The following ASTN2 variants were observed in gnomAD, a reference collection of about 807,000 sequenced individuals.
ASTN2 encodes the protein astrotactin-2.
ASTN2 carries 54 observed loss-of-function variants against 139.8 expected under a neutral mutation model. That is an observed-to-expected ratio of 0.39 (90% confidence interval 0.31 to 0.48). ASTN2 has a LOEUF of 0.48. ASTN2 is among the 20% of genes least tolerant of loss of function. The pLI, the probability that ASTN2 is intolerant of heterozygous loss-of-function variation, is 0.95. For synonymous variants in ASTN2, 756 were observed against 719.5 expected (o/e 1.05, Z -0.81); for missense variants, 1,565 against 1,725.1 (o/e 0.91, Z 1.64).
intron 1 of ASTN2, among the ~76,000 whole-genome samples, chr9:117,304,730 A>T (rs146078845): frequency 6.6e-6 from 1 of 152,274 alleles, no homozygotes; most frequent in African/African-American, 2.4e-5. Context: ...CTTATTTATG[A>T]CGTGGTGCTG....
intron 17 of ASTN2, among the ~76,000 whole-genome samples, chr9:116,621,418 C>T (rs1219122811): frequency 7.4e-6 from 1 of 134,514 alleles, no homozygotes; most frequent in Non-Finnish European, 1.6e-5. Context: ...AACACATACA[C>T]ACACACACAC....
rs1245160868 is a variant in ASTN2 at position 116,774,782 on chromosome 9, G to A, written c.2396+30850C>T. 2.6e-5 allele frequency among the ~76,000 whole-genome samples: 4 copies of A among 152,222 alleles called. No individual in the cohort carries two copies. The East Asian group carries it at 7.7e-4, about 29-fold the overall frequency. On this transcript the variant is annotated intron_variant, in intron 13 of 22. Coordinates refer to ENST00000313400, the MANE Select transcript of ASTN2 (RefSeq NM_001365068.1). ...CTGCTAATCTCCCAGCAAATGCTCTGCACCATCAGACATCTCATTTTCCTC... is the reference window on the plus strand; with the variant it reads ...CTGCTAATCTCCCAGCAAATGCTCTACACCATCAGACATCTCATTTTCCTC...
intron 1 of ASTN2, among the ~76,000 whole-genome samples, chr9:117,300,021 GA>G (rs1167626045): frequency 2.0e-5 from 3 of 152,162 alleles, no homozygotes; most frequent in Non-Finnish European, 2.9e-5. Context: ...AGAACTGAGA[GA>G]AAATAAGGCC....
chr9:117,184,088 G>A (rs1831139978), intron 3 of ASTN2, among the ~76,000 whole-genome samples: 1 of 152,200 alleles, frequency 6.6e-6, no homozygotes, highest in South Asian at 2.1e-4. Context: ...AGAAGAAGGT[G>A]TAGAGACCTC....
At chr9:116,722,339 T>G (rs1282316914) in intron 16 of ASTN2, among the ~76,000 whole-genome samples, 1 of 152,246 alleles carries the variant, frequency 6.6e-6, no homozygotes, top group East Asian at 1.9e-4. Context: ...CCACACAATG[T>G]ACCTTTAGAA....
chr9:116,908,054 T>C (rs1431541121), intron 10 of ASTN2, among the ~76,000 whole-genome samples: 1 of 152,110 alleles, frequency 6.6e-6, no homozygotes, highest in Non-Finnish European at 1.5e-5. Flanking sequence ...GGCTCTGGAA[T>C]CTCAAACCTG....
At chr9:116,583,534 A>G (rs899853577) in intron 19 of ASTN2, 3 of 152,118 alleles carry the variant, frequency 2.0e-5, no homozygotes, top group Non-Finnish European at 4.4e-5. Flanking sequence ...AACTACATAA[A>G]GCCTTAATTC....
intron 12 of ASTN2, among the ~76,000 whole-genome samples, chr9:116,807,234 G>T (rs1054284498): frequency 2.4e-4 from 37 of 152,182 alleles, no homozygotes; most frequent in African/African-American, 8.9e-4. Context: ...AGAAGGAAGA[G>T]GCTCTGTATG....
intron 5 of ASTN2, among the ~76,000 whole-genome samples, chr9:117,055,830 G>A (rs1839044237): frequency 6.6e-6 from 1 of 152,250 alleles, no homozygotes; most frequent in South Asian, 2.1e-4. Context: ...TTGTCCTTGT[G>A]TAAACCCTAG....
At chr9:117,097,248 T>A (rs936580633) in intron 4 of ASTN2, among the ~76,000 whole-genome samples, 2 of 152,058 alleles carry the variant, frequency 1.3e-5, no homozygotes, top group Non-Finnish European at 2.9e-5. Context: ...AAAAGGGTAA[T>A]GCATTCATAT....
intron 13 of ASTN2, among the ~76,000 whole-genome samples, chr9:116,745,776 G>T (rs924468746): frequency 1.3e-5 from 2 of 152,204 alleles, no homozygotes; most frequent in Non-Finnish European, 2.9e-5. Context: ...CTTGCAGCCA[G>T]AACGATTTTC....
At chr9:116,800,030 T>C (rs1428967231) in intron 13 of ASTN2, among the ~76,000 whole-genome samples, 1 of 152,216 alleles carries the variant, frequency 6.6e-6, no homozygotes, top group Non-Finnish European at 1.5e-5. Flanking sequence ...CAGTGGTCTC[T>C]CTCAGCACCA....
At chr9:117,042,298 G>C (rs890106404) in intron 5 of ASTN2, among the ~76,000 whole-genome samples, 1 of 152,112 alleles carries the variant, frequency 6.6e-6, no homozygotes, top group African/African-American at 2.4e-5. Flanking sequence ...ACAGTGACCT[G>C]CTTGAAGGAG....
chr9:116,888,174 G>A (rs187303937), intron 10 of ASTN2, among the ~76,000 whole-genome samples: 1 of 152,204 alleles, frequency 6.6e-6, no homozygotes, highest in East Asian at 1.9e-4. Context: ...AGGCTGAGGT[G>A]GGAGGATCGC....
chr9:116,897,237 C>A (rs1056615426), intron 10 of ASTN2, among the ~76,000 whole-genome samples: 2 of 152,154 alleles, frequency 1.3e-5, no homozygotes, highest in Non-Finnish European at 2.9e-5. Flanking sequence ...TAATACCAGG[C>A]GAAGGACTGC....
intron 17 of ASTN2, among the ~76,000 whole-genome samples, chr9:116,642,814 C>T (rs1157267115): frequency 6.6e-6 from 1 of 152,152 alleles, no homozygotes; most frequent in African/African-American, 2.4e-5. Context: ...TTTTCCTTGA[C>T]CTACAATCTT....
At chr9:117,072,036 C>T (rs930061850) in intron 5 of ASTN2, among the ~76,000 whole-genome samples, 2 of 152,164 alleles carry the variant, frequency 1.3e-5, no homozygotes, top group African/African-American at 2.4e-5. Flanking sequence ...GCTCCTCCCC[C>T]ACTCCCATTT....
chr9:116,702,826 T>TAAC (rs1359270656), intron 16 of ASTN2, among the ~76,000 whole-genome samples: 6 of 152,174 alleles, frequency 3.9e-5, no homozygotes, highest in African/African-American at 1.4e-4. Flanking sequence ...CAATATTTAT[T>TAAC]AACTACCTAC....
intron 5 of ASTN2, among the ~76,000 whole-genome samples, chr9:117,090,023 C>T (rs746873398): frequency 2.0e-5 from 3 of 152,190 alleles, no homozygotes; most frequent in Non-Finnish European, 4.4e-5. Context: ...CACATGCTTC[C>T]TGGACCAGAC....
Sources: allele counts gnomAD v4.1 joint callset (sites outside exome capture counted in the v4.1 genomes callset), GRCh38; gene constraint gnomAD v4.1.1; transcripts MANE v1.5; gene names NCBI Gene and HGNC (gene_info 2026-07-23, HGNC 2026-07-21).